RSPO2: variants seen among roughly 807,000 people sequenced by gnomAD.
RSPO2 encodes R-spondin-2.
In RSPO2, 14 loss-of-function variants were observed where a neutral mutation model predicts 30.9. That is an observed-to-expected ratio of 0.45 (90% CI 0.30 to 0.71). RSPO2 has a LOEUF of 0.71. RSPO2 is among the 30% of genes least tolerant of loss of function. The pLI is 0.08. For synonymous variants in RSPO2, 107 were observed against 96.4 expected, an observed-to-expected ratio of 1.11 and a Z score of -0.64; for missense variants, 264 against 301.9, an observed-to-expected ratio of 0.87 and a Z score of 0.93.
intron 2 of RSPO2, among the ~76,000 whole-genome samples, chr8:108,010,754 A>G (rs983217227): frequency 1.3e-5 from 2 of 152,158 alleles, no homozygotes; most frequent in East Asian, 1.9e-4. Context: ...CTCCCCTGGC[A>G]AACCTTGATG....
chr8:107,968,457 T>C (rs1209494909), intron 3 of RSPO2, among the ~76,000 whole-genome samples: 1 of 152,006 alleles, frequency 6.6e-6, no homozygotes, highest in African/African-American at 2.4e-5. Flanking sequence ...CGGAAGGGGA[T>C]GAAGAGAAGT....
chr8:108,024,393 C>T (rs1586636895), intron 2 of RSPO2, among the ~76,000 whole-genome samples: 1 of 151,636 alleles, frequency 6.6e-6, no homozygotes, highest in East Asian at 1.9e-4. Flanking sequence ...TGAGGAAAAT[C>T]TACAAACTGA....
rs1387814551 is a variant in RSPO2, at chr8:107,915,052, C to T, written c.617-13862G>A. 2.6e-5 allele frequency among the ~76,000 whole-genome samples: 4 copies of T among 152,100 alleles called. No individual in the cohort carries two copies. In the East Asian group the frequency reaches 7.7e-4, roughly 29 times the overall value. ...TAGGCCACCTGAAAAATTATGGAGA[C>T]TATGCACAATTTCCCCAAGATGTGT... On this transcript the variant is annotated intron_variant, in intron 5 of 5. Coordinates refer to ENST00000276659, the MANE Select transcript of RSPO2 (RefSeq NM_178565.5).
At chr8:107,965,375 C>G (rs1813766294) in intron 3 of RSPO2, among the ~76,000 whole-genome samples, 1 of 152,178 alleles carries the variant, frequency 6.6e-6, no homozygotes, top group Admixed American at 6.5e-5. Context: ...CTCTCCTATC[C>G]TCTTACAGTA....
At chr8:107,961,887 C>T (rs1374673153) in intron 3 of RSPO2, among the ~76,000 whole-genome samples, 2 of 152,190 alleles carry the variant, frequency 1.3e-5, no homozygotes, top group Non-Finnish European at 2.9e-5. Flanking sequence ...TATTCTAGAT[C>T]ACATTCCCTG....
At chr8:108,003,715 T>A (rs1815359298) in intron 2 of RSPO2, among the ~76,000 whole-genome samples, 4 of 152,126 alleles carry the variant, frequency 2.6e-5, no homozygotes. Context: ...ACAGGACAGA[T>A]TGCAGGCTAC....
chr8:108,043,850 G>C (rs1811830421), intron 2 of RSPO2, among the ~76,000 whole-genome samples: 1 of 151,948 alleles, frequency 6.6e-6, no homozygotes, highest in South Asian at 2.1e-4. Context: ...AGTTACTTGT[G>C]CAAAACATTG....
intron 5 of RSPO2, among the ~76,000 whole-genome samples, chr8:107,922,607 A>T (rs1338736619): frequency 6.6e-6 from 1 of 152,190 alleles, no homozygotes; most frequent in Admixed American, 6.6e-5. Context: ...TAAAATTCAT[A>T]TGAAACCAAA....
chr8:107,904,066 C>CA (rs1216042135), intron 5 of RSPO2, among the ~76,000 whole-genome samples: 9 of 151,846 alleles, frequency 5.9e-5, no homozygotes, highest in Admixed American at 3.9e-4. Flanking sequence ...TTAAAGCTAA[C>CA]AAAAAAATCC....
At chr8:107,998,215 G>A (rs147803602) in intron 2 of RSPO2, among the ~76,000 whole-genome samples, 249 of 151,706 alleles carry the variant, frequency 1.6e-3, no homozygotes, top group African/African-American at 5.7e-3. Flanking sequence ...AAAACCCATA[G>A]AAGGAGCAGG....
intron 2 of RSPO2, among the ~76,000 whole-genome samples, chr8:107,993,324 C>A (rs968613154): frequency 6.6e-6 from 1 of 151,884 alleles, no homozygotes; most frequent in African/African-American, 2.4e-5. Context: ...AGAAACAATC[C>A]GAATATCTAT....
At chr8:107,976,926 C>T (rs891336420) in intron 3 of RSPO2, among the ~76,000 whole-genome samples, 6 of 152,106 alleles carry the variant, frequency 3.9e-5, no homozygotes, top group Non-Finnish European at 7.4e-5. Context: ...ATACAAGACA[C>T]AATTACAAAT....
At chr8:107,957,987 A>C in intron 5 of RSPO2, 93 bp downstream of exon 5, 1 of 871,670 alleles carries the variant, frequency 1.1e-6, no homozygotes, top group South Asian at 2.1e-5. Flanking sequence ...TTTCCTTCAA[A>C]GATAAATACT....
At chr8:108,070,254 GGGC>G (rs1186688554) in intron 2 of RSPO2, among the ~76,000 whole-genome samples, 3 of 150,944 alleles carry the variant, frequency 2.0e-5, no homozygotes, top group Non-Finnish European at 4.4e-5. Flanking sequence ...AGCCCAGCCT[GGGC>G]AACACAGCAA....
At chr8:108,036,950 T>A (rs1279757876) in intron 2 of RSPO2, among the ~76,000 whole-genome samples, 1 of 152,218 alleles carries the variant, frequency 6.6e-6, no homozygotes, top group Non-Finnish European at 1.5e-5. Flanking sequence ...CAATGTTGTG[T>A]GTTCTGACTG....
chr8:107,982,971 T>TTGGCTCCCTCAGCGCCTACGAC, intron 3 of RSPO2: 1 of 508,496 alleles, frequency 2.0e-6, no homozygotes, highest in Non-Finnish European at 3.4e-6. Context: ...ATAAATAGTG[T>TTGGCTCCCTCAGCGCCTACGAC]TGGCTCCCTC....
rs1055555954 is a variant in RSPO2, at chr8:107,923,899, A to G, written c.617-22709T>C. 3.9e-5 allele frequency among the ~76,000 whole-genome samples: 6 copies of G among 152,092 alleles called. 1 individual carries two copies. Among genetic ancestry groups the G allele is most frequent in the Admixed American group, 3.9e-4 (6 of 15,248 alleles). Reference sequence around the variant, plus strand: ...AGTGGGAGCTAAATGATGAACACACATGGACACATAGAGGGGAACAGCAAA... The same window carrying G: ...AGTGGGAGCTAAATGATGAACACACGTGGACACATAGAGGGGAACAGCAAA... On this transcript the variant is annotated intron_variant, in intron 5 of 5. Transcript: ENST00000276659.
chr8:108,069,789 T>G (rs1432808004), intron 2 of RSPO2, among the ~76,000 whole-genome samples: 1 of 152,180 alleles, frequency 6.6e-6, no homozygotes, highest in Non-Finnish European at 1.5e-5. Flanking sequence ...TACTCACCAC[T>G]CTCTACCAAA....
At chr8:108,081,938 C>T in intron 2 of RSPO2, 2 of 980,534 alleles carry the variant, frequency 2.0e-6, no homozygotes, top group Non-Finnish European at 2.4e-6. Context: ...CCCATCTCGT[C>T]GCAGTTTCCA....
Sources: allele counts gnomAD v4.1 joint callset (sites outside exome capture counted in the v4.1 genomes callset), GRCh38; gene constraint gnomAD v4.1.1; transcripts MANE v1.5; gene names NCBI Gene and HGNC (gene_info 2026-07-23, HGNC 2026-07-21).